Variants in DCAF10 observed in about 807,000 individuals in gnomAD.
DCAF10 encodes DDB1 and CUL4 associated factor 10, also known as DDB1- and CUL4-associated factor 10.
A neutral mutation model predicts 51.9 loss-of-function variants in DCAF10; 19 were observed. The observed-to-expected ratio is 0.37, with a 90% confidence interval of 0.26 to 0.54. The LOEUF is 0.54. DCAF10 is among the 20% of genes least tolerant of loss of function. DCAF10 has a pLI of 0.87. For missense variants in DCAF10, 510 were observed against 730.6 expected (o/e 0.70, Z 3.48); for synonymous variants, 291 against 297.1 (o/e 0.98, Z 0.21).
chr9:37,851,681 G>C (rs1160186015), intron 3 of DCAF10, among the ~76,000 whole-genome samples: 1 of 151,350 alleles, frequency 6.6e-6, no homozygotes. Context: ...TGTAATCCCG[G>C]TTACTCGGGA....
Position 37,864,583 on chromosome 9 carries a change from C to CAAAAA in DCAF10, c.*3088_*3092dup, listed in dbSNP as rs778815619. ...TGACCAGCAGAGCGAGACTCTGCCTCAAAAAAAAAAAAAAAAATAAAATAA... is the reference window on the plus strand; with the variant it reads ...TGACCAGCAGAGCGAGACTCTGCCTCAAAAAAAAAAAAAAAAAAAAAATAAAATAA... On this transcript the variant is annotated 3_prime_UTR_variant, in exon 7 of 7. Transcript: ENST00000377724. 8 of 121,078 alleles carry CAAAAA rather than the reference C, an allele frequency of 6.6e-5. No homozygotes were observed. The highest frequency in any genetic ancestry group is 2.4e-4 in the East Asian group (1 of 4,240). The allele number at this position is 121,078 out of a possible 1,614,324, so 7.5% of individuals were successfully genotyped here.
At chr9:37,860,400 G>T in intron 6 of DCAF10, 1 of 575,424 alleles carries the variant, frequency 1.7e-6, no homozygotes, top group Non-Finnish European at 2.7e-6. Context: ...TTCCTCTCCT[G>T]CTGGGGTTGA....
chr9:37,800,911 C>A lies in DCAF10; in HGVS notation c.45C>A (p.Ala15=), dbSNP rs1217121133. The change falls in exon 1 of 7, where the codon GCC becomes GCA. Residue 15 remains alanine (A), a synonymous_variant. Transcript: ENST00000377724. Reference sequence around the variant, plus strand: ...ATAGCCCTGGAGGGGACGGATCGGCCGGAGCCGGGGCTGAGGAGCCGACGC... The same window carrying A: ...ATAGCCCTGGAGGGGACGGATCGGCAGGAGCCGGGGCTGAGGAGCCGACGC... ...GPHSPGGDGS[A]GAGAEEPTPH... 6.7e-7 allele frequency: 1 copy of A among 1,495,612 alleles called. No homozygotes were observed. Among genetic ancestry groups the A allele is most frequent in the Admixed American group, 2.2e-5 (1 of 44,896 alleles). The allele number at this position is 1,495,612 out of a possible 1,614,324, so 92.6% of individuals were successfully genotyped here.
chr9:37,812,386 A>G (rs923768620), intron 1 of DCAF10, among the ~76,000 whole-genome samples: 3 of 152,202 alleles, frequency 2.0e-5, no homozygotes, highest in African/African-American at 7.2e-5. Context: ...AAAAGCAGCT[A>G]GAGGAAAGAG....
chr9:37,805,765 T>C (rs1312599078), intron 1 of DCAF10, among the ~76,000 whole-genome samples: 3 of 152,144 alleles, frequency 2.0e-5, no homozygotes, highest in Admixed American at 6.5e-5. Context: ...TTGCAATAAC[T>C]ATAAGGTACT....
intron 6 of DCAF10, 33 bp downstream of exon 6, chr9:37,860,226 C>T: frequency 6.2e-7 from 1 of 1,611,902 alleles, no homozygotes; most frequent in Non-Finnish European, 8.5e-7. Context: ...TTCAACAGGG[C>T]TCATTGGACA....
At chr9:37,823,856 A>T (rs1322505923) in intron 2 of DCAF10, among the ~76,000 whole-genome samples, 1 of 139,318 alleles carries the variant, frequency 7.2e-6, no homozygotes, top group Non-Finnish European at 1.6e-5. Context: ...TCCAGTTTGT[A>T]TTTTATACTT....
intron 3 of DCAF10, among the ~76,000 whole-genome samples, chr9:37,854,130 C>G (rs1796644484): frequency 6.6e-6 from 1 of 150,716 alleles, no homozygotes; most frequent in African/African-American, 2.4e-5. Flanking sequence ...CAGGGTCTGT[C>G]TGTCTGTCAC....
At chr9:37,820,830 C>G (rs913811044) in intron 2 of DCAF10, among the ~76,000 whole-genome samples, 2 of 151,952 alleles carry the variant, frequency 1.3e-5, no homozygotes, top group East Asian at 1.9e-4. Context: ...AATCAGCCAC[C>G]AAAACATTCA....
At chr9:37,846,659 G>A (rs939130779) in intron 3 of DCAF10, among the ~76,000 whole-genome samples, 5 of 152,034 alleles carry the variant, frequency 3.3e-5, no homozygotes, top group Non-Finnish European at 7.4e-5. Context: ...GTTTCACCAT[G>A]TTGGTCAGGC....
chr9:37,809,984 C>G (rs1012215458), intron 1 of DCAF10, among the ~76,000 whole-genome samples: 8 of 151,970 alleles, frequency 5.3e-5, no homozygotes, highest in Admixed American at 4.6e-4. Context: ...AACCCCATCT[C>G]TACTAAAAAT....
intron 1 of DCAF10, among the ~76,000 whole-genome samples, chr9:37,813,396 A>G (rs1010801364): frequency 2.6e-5 from 4 of 152,218 alleles, no homozygotes; most frequent in Non-Finnish European, 5.9e-5. Flanking sequence ...GTGCCTGGCC[A>G]AAAAAATGTT....
At chr9:37,822,240 A>G (rs527550825) in intron 2 of DCAF10, among the ~76,000 whole-genome samples, 41 of 152,260 alleles carry the variant, frequency 2.7e-4, no homozygotes, top group Middle Eastern at 6.8e-3. Context: ...TAGAACTACC[A>G]TTTGATCCAG....
At position 37,842,187 on chromosome 9, in the gene DCAF10, G is replaced by A; in HGVS notation, c.752G>A (p.Gly251Asp). Residue 251 changes from glycine to aspartate, a missense_variant, in exon 3 of 7, where the codon GGT becomes GAT. Coordinates refer to ENST00000377724, the MANE Select transcript of DCAF10 (RefSeq NM_024345.5). Reference sequence around the variant, plus strand: ...AACACCAAAGTATGCACTTTACATGGTCACACTAGCTGGGTGAAGAACATC... The same window carrying A: ...AACACCAAAGTATGCACTTTACATGATCACACTAGCTGGGTGAAGAACATC... ...KLNTKVCTLH[G>D]HTSWVKNIEY... The A allele has an allele frequency of 6.2e-7, 1 of 1,613,932 alleles. No homozygotes were observed.
intron 1 of DCAF10, among the ~76,000 whole-genome samples, chr9:37,807,421 C>T (rs1225222530): frequency 6.6e-6 from 1 of 151,862 alleles, no homozygotes; most frequent in African/African-American, 2.4e-5. Flanking sequence ...TATCTAGTTT[C>T]CTATGTCAAT....
At chr9:37,823,231 G>A (rs142645432) in intron 2 of DCAF10, among the ~76,000 whole-genome samples, 4 of 152,230 alleles carry the variant, frequency 2.6e-5, no homozygotes, top group African/African-American at 9.6e-5. Context: ...AATTTTTAGC[G>A]CTGAAGGGCC....
chr9:37,858,620 G>GA (rs1385388966), intron 5 of DCAF10: 1 of 152,202 alleles, frequency 6.6e-6, no homozygotes, highest in Non-Finnish European at 1.5e-5. Context: ...AGAGGAAAAT[G>GA]AGAGGGTGAA....
chr9:37,819,704 G>A (rs1829647576), intron 2 of DCAF10, among the ~76,000 whole-genome samples: 1 of 152,136 alleles, frequency 6.6e-6, no homozygotes, highest in Non-Finnish European at 1.5e-5. Context: ...ATGCCTTTGT[G>A]CTAATGATTT....
chr9:37,831,680 C>T (rs1299638586), intron 2 of DCAF10, among the ~76,000 whole-genome samples: 1 of 152,156 alleles, frequency 6.6e-6, no homozygotes, highest in African/African-American at 2.4e-5. Context: ...TTTTCTATTA[C>T]TTCATATTTT....
Sources: allele counts gnomAD v4.1 joint callset (sites outside exome capture counted in the v4.1 genomes callset), GRCh38; gene constraint gnomAD v4.1.1; transcripts MANE v1.5; gene names NCBI Gene and HGNC (gene_info 2026-07-23, HGNC 2026-07-21).